Variants in GRM8 observed in about 807,000 individuals in gnomAD.
GRM8 encodes metabotropic glutamate receptor 8.
In GRM8, 47 loss-of-function variants were observed where a neutral mutation model predicts 87.2. That is an observed-to-expected ratio of 0.54 (90% confidence interval 0.43 to 0.69). The LOEUF is 0.69. Among genes scored for constraint, GRM8 ranks in the 30% least tolerant of loss-of-function variants. The probability of loss-of-function intolerance (pLI) is 0.00; values close to 1 mark genes in which losing one functional copy is unlikely to be tolerated. For synonymous variants in GRM8, 396 were observed against 404.5 expected (o/e 0.98, Z 0.25); for missense variants, 1,019 against 1,139.2 (o/e 0.89, Z 1.52).
intron 9 of GRM8, among the ~76,000 whole-genome samples, chr7:126,508,111 C>T (rs1433497432): frequency 6.6e-6 from 1 of 151,984 alleles, no homozygotes; most frequent in East Asian, 1.9e-4. Flanking sequence ...TAATCTACAC[C>T]TCCAACTTCA....
chr7:126,682,249 A>G (rs1375370955), intron 7 of GRM8, among the ~76,000 whole-genome samples: 1 of 152,240 alleles, frequency 6.6e-6, no homozygotes, highest in Non-Finnish European at 1.5e-5. Context: ...TATCTGACAC[A>G]CAATAGGCAC....
intron 7 of GRM8, among the ~76,000 whole-genome samples, chr7:126,631,234 A>G (rs1452690326): frequency 2.0e-5 from 3 of 152,116 alleles, no homozygotes; most frequent in Non-Finnish European, 2.9e-5. Context: ...ATTTCTATAC[A>G]CCAACAGGCA....
Position 126,533,902 on chromosome 7 carries a change from A to C in GRM8, c.1495-15T>G. On this transcript the variant is annotated splice_polypyrimidine_tract_variant and intron_variant, in intron 8 of 10. Transcript: ENST00000339582. ...ATGTCTTCCACCTGTGGGTATAAAA[A>C]ATTAATGAGCCTTCCATTTTTCCCC... 6.3e-7 allele frequency: 1 copy of C among 1,576,552 alleles called. No individual in the cohort carries two copies.
intron 7 of GRM8, among the ~76,000 whole-genome samples, chr7:126,645,168 T>C (rs1043836288): frequency 9.2e-5 from 14 of 152,218 alleles, no homozygotes; most frequent in African/African-American, 2.7e-4. Flanking sequence ...GCCACAAGAA[T>C]AGGATTATGG....
At chr7:126,878,611 C>T (rs1276926266) in intron 6 of GRM8, among the ~76,000 whole-genome samples, 1 of 151,588 alleles carries the variant, frequency 6.6e-6, no homozygotes, top group East Asian at 2.0e-4. Flanking sequence ...CCTCCACTTC[C>T]CGGGTTCAAG....
chr7:127,243,730 G>A (rs1179840774), intron 1 of GRM8, among the ~76,000 whole-genome samples: 2 of 152,140 alleles, frequency 1.3e-5, no homozygotes, highest in East Asian at 3.8e-4. Flanking sequence ...ACAGTATCAG[G>A]AAGTAGGTTG....
intron 8 of GRM8, among the ~76,000 whole-genome samples, chr7:126,575,476 A>G (rs1287091846): frequency 6.6e-6 from 1 of 151,990 alleles, no homozygotes; most frequent in Non-Finnish European, 1.5e-5. Context: ...ATCATCCTGA[A>G]ACCATCCCTC....
At chr7:126,651,168 C>T (rs10954131) in intron 7 of GRM8, among the ~76,000 whole-genome samples, 46,748 of 152,066 alleles carry the variant, frequency 0.31, 8,052 homozygotes, top group East Asian at 0.43. Flanking sequence ...ACAGAATGCC[C>T]GGTCCACTGT....
intron 6 of GRM8, among the ~76,000 whole-genome samples, chr7:126,818,871 C>T (rs1794024741): frequency 6.6e-6 from 1 of 152,176 alleles, no homozygotes; most frequent in South Asian, 2.1e-4. Flanking sequence ...TCATTCTTGG[C>T]AGAACTGGAG....
At chr7:126,704,832 G>A (rs908977024) in intron 7 of GRM8, among the ~76,000 whole-genome samples, 4 of 152,106 alleles carry the variant, frequency 2.6e-5, no homozygotes, top group Non-Finnish European at 5.9e-5. Context: ...AATGGTGCCC[G>A]AAACTTCATT....
intron 3 of GRM8, among the ~76,000 whole-genome samples, chr7:127,041,368 C>T (rs1253211016): frequency 6.6e-6 from 1 of 152,162 alleles, no homozygotes; most frequent in African/African-American, 2.4e-5. Flanking sequence ...CATATGGGCT[C>T]CCACAAATCA....
intron 7 of GRM8, among the ~76,000 whole-genome samples, chr7:126,659,148 C>A (rs1266974075): frequency 1.3e-5 from 2 of 151,208 alleles, no homozygotes; most frequent in Non-Finnish European, 2.9e-5. Context: ...TCAGCCCAAT[C>A]CTTTCCCAAA....
chr7:127,127,953 C>A (rs1457253006), intron 2 of GRM8, among the ~76,000 whole-genome samples: 2 of 152,018 alleles, frequency 1.3e-5, no homozygotes, highest in African/African-American at 4.8e-5. Context: ...ATTCTGTTTA[C>A]CTTCAAAATA....
chr7:126,878,362 T>C (rs903675886), intron 6 of GRM8, among the ~76,000 whole-genome samples: 4 of 152,188 alleles, frequency 2.6e-5, no homozygotes, highest in African/African-American at 7.2e-5. Flanking sequence ...GAAGCTCACA[T>C]TGCTATTTAG....
chr7:126,508,336 C>T (rs140114838), intron 9 of GRM8, among the ~76,000 whole-genome samples: 220 of 151,876 alleles, frequency 1.4e-3, no homozygotes, highest in African/African-American at 5.3e-3. Context: ...GAGCTGTTAT[C>T]TTGTAAAGGC....
At chr7:126,814,132 A>G (rs1401379916) in intron 6 of GRM8, among the ~76,000 whole-genome samples, 2 of 152,032 alleles carry the variant, frequency 1.3e-5, no homozygotes, top group Non-Finnish European at 2.9e-5. Flanking sequence ...GACACCACCT[A>G]CAGTATTAGA....
intron 7 of GRM8, among the ~76,000 whole-genome samples, chr7:126,618,062 T>C (rs1361418627): frequency 6.6e-6 from 1 of 152,204 alleles, no homozygotes; most frequent in Admixed American, 6.5e-5. Flanking sequence ...AGAGCCCTCA[T>C]TGCCAAGACA....
chr7:126,983,887 G>A (rs546709608), intron 3 of GRM8, among the ~76,000 whole-genome samples: 1 of 152,310 alleles, frequency 6.6e-6, no homozygotes, highest in Admixed American at 6.5e-5. Context: ...TAGGAGAAGA[G>A]TGTAGTCATC....
At chr7:126,564,057 G>T (rs1203303410) in intron 8 of GRM8, among the ~76,000 whole-genome samples, 1 of 152,216 alleles carries the variant, frequency 6.6e-6, no homozygotes, top group African/African-American at 2.4e-5. Context: ...AGAACCCTTT[G>T]GAGATGAGGA....
Sources: allele counts gnomAD v4.1 joint callset (sites outside exome capture counted in the v4.1 genomes callset), GRCh38; gene constraint gnomAD v4.1.1; transcripts MANE v1.5; gene names NCBI Gene and HGNC (gene_info 2026-07-23, HGNC 2026-07-21).